Variants in SLC39A11 observed in about 807,000 individuals in gnomAD.
SLC39A11 encodes solute carrier family 39 member 11.
Under a neutral mutation model 36.1 loss-of-function variants are expected in SLC39A11, and 33 were observed. The ratio of observed to expected loss-of-function variants is 0.91; its 90% CI spans 0.69 to 1.22. The LOEUF (loss-of-function observed/expected upper bound fraction) is 1.22. Among genes scored for constraint, SLC39A11 ranks in the 50% most tolerant of loss-of-function variants. The pLI is 0.00. For missense variants in SLC39A11, 432 were observed against 430.3 expected, an observed-to-expected ratio of 1.00 and a Z score of -0.03; for synonymous variants, 166 against 170.3, an observed-to-expected ratio of 0.97 and a Z score of 0.20.
At chr17:72,908,621 C>T (rs1236442631) in intron 5 of SLC39A11, among the ~76,000 whole-genome samples, 4 of 152,184 alleles carry the variant, frequency 2.6e-5, no homozygotes, top group South Asian at 2.1e-4. Flanking sequence ...TCTGAGGAAG[C>T]GTCTACAGCC....
intron 6 of SLC39A11, among the ~76,000 whole-genome samples, chr17:72,784,860 CTTT>C (rs10594452): frequency 0.064 from 8,625 of 134,606 alleles, 826 homozygotes; most frequent in African/African-American, 0.22. Context: ...TTTCTTTCTT[CTTT>C]TTTTTTTTTT....
intron 9 of SLC39A11, among the ~76,000 whole-genome samples, chr17:72,648,349 AAAAAC>A (rs10587063): frequency 0.48 from 69,091 of 144,110 alleles, 17,080 homozygotes; most frequent in South Asian, 0.56. Context: ...AAAAAAAAAG[AAAAAC>A]AAAACAAAAC....
At chr17:72,841,653 G>A (rs576402510) in intron 6 of SLC39A11, among the ~76,000 whole-genome samples, 18 of 152,258 alleles carry the variant, frequency 1.2e-4, no homozygotes, top group African/African-American at 4.1e-4. Flanking sequence ...GGTGGCTATA[G>A]TCAATAATAT....
intron 7 of SLC39A11, chr17:72,663,994 G>C (rs1032264137): frequency 6.4e-6 from 1 of 155,138 alleles, no homozygotes; most frequent in Non-Finnish European, 1.5e-5. Flanking sequence ...TCCTCTATTG[G>C]GGATGGTCGT....
chr17:72,770,603 C>T (rs2075899107), intron 6 of SLC39A11, among the ~76,000 whole-genome samples: 3 of 152,200 alleles, frequency 2.0e-5, no homozygotes, highest in South Asian at 4.1e-4. Context: ...CCCCTTGGTC[C>T]TTCTCAGGTC....
chr17:72,826,112 C>T (rs2078018532), intron 6 of SLC39A11, among the ~76,000 whole-genome samples: 1 of 152,120 alleles, frequency 6.6e-6, no homozygotes, highest in Non-Finnish European at 1.5e-5. Context: ...AACTGTAATC[C>T]CCAGTGTTGG....
intron 7 of SLC39A11, among the ~76,000 whole-genome samples, chr17:72,661,570 T>C (rs1372467802): frequency 2.0e-5 from 3 of 152,242 alleles, no homozygotes; most frequent in South Asian, 2.1e-4. Flanking sequence ...CATCTTGCCG[T>C]GAAAGGCCTG....
chr17:72,688,889 G>C (rs957046924), intron 7 of SLC39A11, among the ~76,000 whole-genome samples: 4 of 152,192 alleles, frequency 2.6e-5, no homozygotes, highest in African/African-American at 9.7e-5. Context: ...CTCTAGCTCT[G>C]ACTTTGTTCA....
Position 73,049,898 on chromosome 17 carries a change from A to G in SLC39A11, c.148-18184T>C, listed in dbSNP as rs1279148722. ...AGCACTTCAGCAGGCTGAGGCAGGC[A>G]GATCACTTGAGTCCAGGACTTTGAG... On this transcript the variant is annotated intron_variant, in intron 3 of 9. Coordinates refer to ENST00000255559, the MANE Select transcript of SLC39A11 (RefSeq NM_139177.4). Among the ~76,000 whole-genome samples, 3 of 152,208 alleles carry G rather than the reference A, an allele frequency of 2.0e-5. No individual in the cohort carries two copies. The East Asian group carries it at 5.8e-4, about 29-fold the overall frequency.
intron 4 of SLC39A11, among the ~76,000 whole-genome samples, chr17:72,985,594 GGA>G (rs1379693325): frequency 2.0e-5 from 3 of 151,898 alleles, no homozygotes; most frequent in Non-Finnish European, 4.4e-5. Flanking sequence ...GGTATTTTTA[GGA>G]GAGACAGGGT....
At chr17:72,779,304 T>A (rs1419823181) in intron 6 of SLC39A11, among the ~76,000 whole-genome samples, 1 of 151,686 alleles carries the variant, frequency 6.6e-6, no homozygotes, top group Admixed American at 6.6e-5. Context: ...ACGAGCTGGA[T>A]GTGGTGGCTG....
intron 5 of SLC39A11, among the ~76,000 whole-genome samples, chr17:72,879,085 G>C (rs2081062928): frequency 6.6e-6 from 1 of 152,246 alleles, no homozygotes; most frequent in Admixed American, 6.5e-5. Flanking sequence ...GGTTATATAG[G>C]AAGGGGGCGT....
At chr17:72,894,669 C>CAAAAA (rs10657098) in intron 5 of SLC39A11, among the ~76,000 whole-genome samples, 11 of 121,304 alleles carry the variant, frequency 9.1e-5, no homozygotes, top group African/African-American at 2.7e-4. Context: ...GACCCTGTCT[C>CAAAAA]AAAAAAAAAA....
chr17:72,909,457 C>T (rs1421875650), intron 5 of SLC39A11, among the ~76,000 whole-genome samples: 24 of 152,184 alleles, frequency 1.6e-4, no homozygotes, highest in Admixed American at 1.2e-3. Context: ...CCATGCAACA[C>T]GCTCTGGAGA....
chr17:72,813,095 A>G (rs2077481660), intron 6 of SLC39A11, among the ~76,000 whole-genome samples: 1 of 152,188 alleles, frequency 6.6e-6, no homozygotes. Context: ...GACTGCCCAT[A>G]GCTCCCGTCT....
chr17:72,893,415 G>T (rs1038065699), intron 5 of SLC39A11, among the ~76,000 whole-genome samples: 1 of 152,070 alleles, frequency 6.6e-6, no homozygotes, highest in Non-Finnish European at 1.5e-5. Context: ...ACCCAGGATC[G>T]TGCCACTGCA....
intron 4 of SLC39A11, among the ~76,000 whole-genome samples, chr17:73,020,603 C>G (rs1321573496): frequency 1.3e-5 from 2 of 151,804 alleles, no homozygotes; most frequent in African/African-American, 4.8e-5. Context: ...TCAGCTTATA[C>G]TGTTCATGAC....
chr17:72,724,371 G>T (rs567348881), intron 7 of SLC39A11, among the ~76,000 whole-genome samples: 24 of 152,284 alleles, frequency 1.6e-4, no homozygotes, highest in Admixed American at 1.3e-3. Context: ...TTGCTCAAAA[G>T]CTTCCAGGTG....
intron 4 of SLC39A11, among the ~76,000 whole-genome samples, chr17:72,968,918 G>A (rs57807740): frequency 0.087 from 13,253 of 151,846 alleles, 883 homozygotes; most frequent in African/African-American, 0.18. Flanking sequence ...CGCCTACACC[G>A]TCCCCTGCTT....
Sources: allele counts gnomAD v4.1 joint callset (sites outside exome capture counted in the v4.1 genomes callset), GRCh38; gene constraint gnomAD v4.1.1; transcripts MANE v1.5; gene names NCBI Gene and HGNC (gene_info 2026-07-23, HGNC 2026-07-21).